Variants in DIP2C observed in about 807,000 individuals in gnomAD.
The protein encoded by DIP2C is DIP2 acetate--CoA ligase C (putative).
DIP2C carries 33 observed loss-of-function variants against 192.4 expected under a neutral mutation model. That is an observed-to-expected ratio of 0.17 (90% CI 0.13 to 0.23). DIP2C has a LOEUF of 0.23. Ranked by LOEUF, DIP2C falls within the 10% of genes least tolerant of loss-of-function variation. The pLI is 1.00. For synonymous variants in DIP2C, 979 were observed against 864.1 expected (o/e 1.13, Z -2.33); for missense variants, 1,537 against 2,110.1 (o/e 0.73, Z 5.32).
chr10:377,896 G>A (rs899826919), intron 17 of DIP2C, among the ~76,000 whole-genome samples: 2 of 152,118 alleles, frequency 1.3e-5, no homozygotes, highest in African/African-American at 4.8e-5. Context: ...TAAAATATCA[G>A]GGTATCCAAA....
At chr10:469,356 G>T (rs565784501) in intron 3 of DIP2C, among the ~76,000 whole-genome samples, 1 of 137,416 alleles carries the variant, frequency 7.3e-6, no homozygotes, top group Admixed American at 7.9e-5. Context: ...TCACTCTGTC[G>T]CCGAGGCTGG....
At chr10:596,601 A>C (rs758931859) in intron 1 of DIP2C, among the ~76,000 whole-genome samples, 2 of 151,704 alleles carry the variant, frequency 1.3e-5, no homozygotes, top group South Asian at 4.2e-4. Flanking sequence ...CAGCCATGAG[A>C]TACATCACAG....
At chr10:526,041 C>T (rs1005949900) in intron 1 of DIP2C, among the ~76,000 whole-genome samples, 9 of 152,232 alleles carry the variant, frequency 5.9e-5, no homozygotes, top group African/African-American at 1.2e-4. Context: ...CCTTAATTGC[C>T]GATGCTGCGC....
At chr10:531,820 C>T (rs182500530) in intron 1 of DIP2C, among the ~76,000 whole-genome samples, 96 of 152,336 alleles carry the variant, frequency 6.3e-4, no homozygotes, top group Non-Finnish European at 1.2e-3. Context: ...AACACAGACA[C>T]GCTGGGAGGA....
intron 1 of DIP2C, among the ~76,000 whole-genome samples, chr10:534,167 C>T (rs1400881707): frequency 6.6e-6 from 1 of 152,220 alleles, no homozygotes; most frequent in African/African-American, 2.4e-5. Flanking sequence ...GCTCAGGTAA[C>T]AGCAACCCTA....
chr10:384,725 G>T (rs1482027615), intron 14 of DIP2C, 86 bp from the exon 15 acceptor site: 3 of 1,345,766 alleles, frequency 2.2e-6, no homozygotes, highest in African/African-American at 2.9e-5. Context: ...ACACTAGGCC[G>T]CACGGGCAGG....
At chr10:603,554 T>G (rs1393752708) in intron 1 of DIP2C, among the ~76,000 whole-genome samples, 1 of 152,134 alleles carries the variant, frequency 6.6e-6, no homozygotes, top group East Asian at 1.9e-4. Flanking sequence ...GAAATCTAAC[T>G]TTAAAGACCC....
intron 32 of DIP2C, among the ~76,000 whole-genome samples, chr10:303,482 ATTTATC>A (rs1044838388): frequency 1.1e-4 from 16 of 152,012 alleles, no homozygotes; most frequent in African/African-American, 2.7e-4. Context: ...TACAAAAATA[ATTTATC>A]TTTATATCAA....
chr10:425,445 G>C (rs1245772923), intron 4 of DIP2C, among the ~76,000 whole-genome samples: 2 of 151,268 alleles, frequency 1.3e-5, no homozygotes, highest in Non-Finnish European at 2.9e-5. Context: ...ATATGACACG[G>C]ATGATACAGC....
At chr10:650,831 G>A in intron 1 of DIP2C, 1 of 713,062 alleles carries the variant, frequency 1.4e-6, no homozygotes, top group Non-Finnish European at 2.6e-6. Context: ...CCTCAGTTCT[G>A]CCTCAGCCCC....
intron 1 of DIP2C, chr10:665,624 C>T (rs965253338): frequency 6.6e-6 from 1 of 152,240 alleles, no homozygotes; most frequent in African/African-American, 2.4e-5. Context: ...TTCGCCGCCA[C>T]GTGACGAGGC....
At chr10:467,976 A>T in intron 3 of DIP2C, among the ~76,000 whole-genome samples, 1 of 152,294 alleles carries the variant, frequency 6.6e-6, no homozygotes, top group East Asian at 1.9e-4. Flanking sequence ...AAATTAAAAA[A>T]TTCAGTCCCT....
At chr10:677,895 G>C (rs1010209661) in intron 1 of DIP2C, among the ~76,000 whole-genome samples, 2 of 152,228 alleles carry the variant, frequency 1.3e-5, no homozygotes, top group Non-Finnish European at 2.9e-5. Context: ...AATTCCAGGA[G>C]CTGTCTGGCT....
At chr10:625,674 G>C (rs1588629908) in intron 1 of DIP2C, among the ~76,000 whole-genome samples, 1 of 152,208 alleles carries the variant, frequency 6.6e-6, no homozygotes, top group Non-Finnish European at 1.5e-5. Flanking sequence ...CTTCAATCAC[G>C]GCTGAAGCAG....
intron 18 of DIP2C, among the ~76,000 whole-genome samples, chr10:369,185 G>T (rs1477707739): frequency 1.3e-5 from 2 of 152,220 alleles, no homozygotes; most frequent in African/African-American, 4.8e-5. Context: ...GTCCTCTGGG[G>T]GAGGGAAGGG....
chr10:368,226 G>T (rs4503456), intron 18 of DIP2C, among the ~76,000 whole-genome samples: 37,083 of 93,074 alleles, frequency 0.4, 9,370 homozygotes, highest in Non-Finnish European at 0.46. Flanking sequence ...GAAGCCCGCG[G>T]TTGCTCTCAC....
chr10:612,067 G>A (rs1258060584), intron 1 of DIP2C, among the ~76,000 whole-genome samples: 1 of 152,146 alleles, frequency 6.6e-6, no homozygotes, highest in East Asian at 1.9e-4. Flanking sequence ...AGGCCAAGGT[G>A]AGCGCATCAC....
At chr10:463,207 A>T (rs1022432422) in intron 3 of DIP2C, among the ~76,000 whole-genome samples, 22 of 152,328 alleles carry the variant, frequency 1.4e-4, no homozygotes, top group Middle Eastern at 6.8e-3. Flanking sequence ...AGAAAGTCAA[A>T]TTGTTTCTGT....
rs767115827 is a variant in DIP2C, at chr10:408,972, T to C, written c.1103A>G (p.His368Arg). Residue 368 changes from histidine to arginine, a missense_variant, in exon 9 of 37, where the codon CAC (histidine) becomes CGC (arginine). Physicochemically the swap from His to Arg is conservative, Grantham distance 29 (BLOSUM62 0). Coordinates refer to ENST00000280886, the MANE Select transcript of DIP2C (RefSeq NM_014974.3). Reference sequence around the variant, plus strand: ...GGGTTCCTGCTTTGTGCCTAATTTGTGTAGAATGCTGTAAGCGACCTTCAT... The same window carrying C: ...GGGTTCCTGCTTTGTGCCTAATTTGCGTAGAATGCTGTAAGCGACCTTCAT... ...RSMKVAYSILHKLGTKQEPMV... is the reference protein window; with the variant it reads ...RSMKVAYSILRKLGTKQEPMV... 4.3e-6 allele frequency: 7 copies of C among 1,614,092 alleles called. No homozygotes were observed. The Admixed American group carries it at 1.0e-4, about 23-fold the overall frequency.
Sources: allele counts gnomAD v4.1 joint callset (sites outside exome capture counted in the v4.1 genomes callset), GRCh38; gene constraint gnomAD v4.1.1; transcripts MANE v1.5; gene names NCBI Gene and HGNC (gene_info 2026-07-23, HGNC 2026-07-21).